The following KMT2C variants were observed in gnomAD, a reference collection of about 807,000 sequenced individuals.
KMT2C encodes histone-lysine N-methyltransferase 2C.
In KMT2C, 88 loss-of-function variants were observed where a neutral mutation model predicts 507.9. That is an observed-to-expected ratio of 0.17 (90% CI 0.15 to 0.21). The LOEUF (loss-of-function observed/expected upper bound fraction) is 0.21. KMT2C is among the 10% of genes least tolerant of loss of function. The probability of loss-of-function intolerance (pLI) is 1.00; values close to 1 mark genes in which losing one functional copy is unlikely to be tolerated. For synonymous variants in KMT2C, 2,049 were observed against 2,080.8 expected (o/e 0.98, Z 0.42); for missense variants, 4,954 against 5,957.8 (o/e 0.83, Z 5.55).
At chr7:152,276,013 T>C (rs10225073) in intron 6 of KMT2C, among the ~76,000 whole-genome samples, 1,787 of 152,340 alleles carry the variant, frequency 0.012, 36 homozygotes, top group African/African-American at 0.041. Context: ...CAATATGTTC[T>C]CTTAATCATA....
chr7:152,153,028 A>C, intron 48 of KMT2C, 74 bp from the exon 49 acceptor site: 1 of 1,543,192 alleles, frequency 6.5e-7, no homozygotes, highest in Non-Finnish European at 8.9e-7. Context: ...ATACACACTT[A>C]GGATAAATCC....
chr7:152,351,525 T>C (rs1237279190), intron 2 of KMT2C, among the ~76,000 whole-genome samples: 2 of 152,242 alleles, frequency 1.3e-5, no homozygotes, highest in Non-Finnish European at 2.9e-5. Context: ...TACTAGTATA[T>C]GACTAAAGTG....
chr7:152,275,405 G>A (rs1463829004), intron 6 of KMT2C, among the ~76,000 whole-genome samples: 2 of 152,126 alleles, frequency 1.3e-5, no homozygotes, highest in African/African-American at 4.8e-5. Flanking sequence ...TTAGCCAGAC[G>A]TGGTGGCGGG....
In KMT2C at chr7:152,177,251, A is replaced by G. The variant is rs747153409; in HGVS notation, c.8202T>C (p.Thr2734=). ...GATCATTAGTTTCCAAATTATCTAA[A>G]GTATCCAATTCAACTACCTTGCCAT... is the stretch of plus-strand genomic sequence containing the variant. ...TEDGKVVELD[T]LDNLETNDPN... The change falls in exon 38 of 59, where the codon ACT becomes ACC. Residue 2734 remains threonine, a synonymous_variant. Transcript: ENST00000262189. The G allele has an allele frequency of 3.7e-6, 6 of 1,613,864 alleles. No homozygotes were observed. The highest frequency in any genetic ancestry group is 5.1e-6 in the Non-Finnish European group (6 of 1,179,966).
chr7:152,156,396 A>G (rs995961116), intron 44 of KMT2C, 50 bp from the exon 45 acceptor site: 1 of 1,596,484 alleles, frequency 6.3e-7, no homozygotes, highest in South Asian at 1.1e-5. Flanking sequence ...CGAATATGCA[A>G]TGACCTTGCT....
At chr7:152,425,098 C>T (rs2097803430) in intron 1 of KMT2C, among the ~76,000 whole-genome samples, 1 of 152,198 alleles carries the variant, frequency 6.6e-6, no homozygotes, top group Admixed American at 6.5e-5. Context: ...TACACCAATA[C>T]AGTAGACTAC....
At chr7:152,272,644 C>A (rs2095998594) in intron 7 of KMT2C, among the ~76,000 whole-genome samples, 1 of 152,072 alleles carries the variant, frequency 6.6e-6, no homozygotes, top group Non-Finnish European at 1.5e-5. Flanking sequence ...CCCTTATTAG[C>A]CTAAATATAA....
rs750028915 is a variant in KMT2C, at chr7:152,358,692, AAAT to A, written c.162-20_162-18del. ...CTTCGAGGTCTACAGAAAAAAAAAAAAATAATAAGTACATAGAGTTAAATGTTA... is the reference window on the plus strand; with the variant it reads ...CTTCGAGGTCTACAGAAAAAAAAAAAAATAAGTACATAGAGTTAAATGTTA... On this transcript the variant is annotated intron_variant, in intron 1 of 58. Transcript: ENST00000262189. 27 of 1,514,142 alleles carry A rather than the reference AAAT, an allele frequency of 1.8e-5. No individual in the cohort carries two copies. Among genetic ancestry groups the A allele is most frequent in the African/African-American group, 1.2e-4 (9 of 72,028 alleles). 93.8% of individuals were successfully genotyped at this position (1,514,142 alleles called of 1,614,324 possible). A position where few individuals can be genotyped will look rare whatever the true frequency, so the allele number is the denominator to read the frequency against.
intron 2 of KMT2C, among the ~76,000 whole-genome samples, chr7:152,344,431 G>A (rs779265727): frequency 3.9e-5 from 6 of 152,114 alleles, no homozygotes; most frequent in East Asian, 1.9e-4. Context: ...TGAAAACAGC[G>A]TACAACTTAA....
chr7:152,299,921 AAGAGAAAGCT>A (rs1451036176), intron 6 of KMT2C, among the ~76,000 whole-genome samples: 1 of 152,140 alleles, frequency 6.6e-6, no homozygotes, highest in East Asian at 1.9e-4. Flanking sequence ...TACGCTAGTC[AAGAGAAAGCT>A]AGAGTAGAAA....
intron 2 of KMT2C, among the ~76,000 whole-genome samples, chr7:152,336,484 G>T (rs1437711528): frequency 6.6e-6 from 1 of 152,176 alleles, no homozygotes; most frequent in Non-Finnish European, 1.5e-5. Flanking sequence ...TGCTCTGGAT[G>T]AAATGGCTAC....
At chr7:152,323,981 T>C (rs997168793) in intron 3 of KMT2C, among the ~76,000 whole-genome samples, 1 of 151,456 alleles carries the variant, frequency 6.6e-6, no homozygotes, top group African/African-American at 2.4e-5. Context: ...TCTAAAAAAG[T>C]TGAACTAAAA....
At chr7:152,307,581 G>A (rs192831599) in intron 6 of KMT2C, among the ~76,000 whole-genome samples, 8 of 152,034 alleles carry the variant, frequency 5.3e-5, no homozygotes, top group Non-Finnish European at 8.8e-5. Flanking sequence ...AACTTGCTTA[G>A]GCCCACCAAA....
intron 23 of KMT2C, among the ~76,000 whole-genome samples, chr7:152,210,738 A>G (rs1386879885): frequency 6.6e-6 from 1 of 152,180 alleles, no homozygotes; most frequent in Non-Finnish European, 1.5e-5. Context: ...AAAATCTTAA[A>G]AAAGATTAAA....
chr7:152,226,902 G>A (rs3951755), intron 18 of KMT2C, among the ~76,000 whole-genome samples: 23 of 152,348 alleles, frequency 1.5e-4, no homozygotes, highest in Admixed American at 8.5e-4. Flanking sequence ...GCCAGTCTGC[G>A]TGACCCTGGC....
chr7:152,231,320 A>T (rs2095102572), intron 16 of KMT2C, among the ~76,000 whole-genome samples: 1 of 152,206 alleles, frequency 6.6e-6, no homozygotes. Context: ...CTGAACTAGA[A>T]GCTGTAGAAG....
rs1469188251 is a variant in KMT2C at position 152,154,121 on chromosome 7, G to A, written c.12165C>T (p.Ile4055=). Residue 4055 remains isoleucine (I), a synonymous_variant, in exon 48 of 59, where the codon ATC becomes ATT. Transcript: ENST00000262189. ...GKSSESRRND[I]KTEPGTLYFA... The stretch of plus-strand genomic sequence containing the variant: ...AATATAAAGTGCCTGGCTCAGTTTT[G>A]ATGTCATTCCTTCTTGATTCTGAAC... 1 of 1,614,066 alleles carries A rather than the reference G, an allele frequency of 6.2e-7. No homozygotes were observed. The highest frequency in any genetic ancestry group is 8.5e-7 in the Non-Finnish European group (1 of 1,179,974).
At chr7:152,227,295 C>A (rs2094962382) in intron 18 of KMT2C, among the ~76,000 whole-genome samples, 1 of 152,140 alleles carries the variant, frequency 6.6e-6, no homozygotes, top group South Asian at 2.1e-4. Context: ...CCAGTCTAGC[C>A]TTAGTTTTAA....
At chr7:152,288,300 G>A (rs1293029674) in intron 6 of KMT2C, among the ~76,000 whole-genome samples, 2 of 150,216 alleles carry the variant, frequency 1.3e-5, no homozygotes, top group Admixed American at 6.6e-5. Context: ...TTGGGAGGCC[G>A]AGATGGGTGG....
Sources: allele counts gnomAD v4.1 joint callset (sites outside exome capture counted in the v4.1 genomes callset), GRCh38; gene constraint gnomAD v4.1.1; transcripts MANE v1.5; gene names NCBI Gene and HGNC (gene_info 2026-07-23, HGNC 2026-07-21).